The following AFG1L variants were observed in gnomAD, a reference collection of about 807,000 sequenced individuals.
The protein encoded by AFG1L is AFG1-like ATPase.
Under a neutral mutation model 62.2 loss-of-function variants are expected in AFG1L, and 53 were observed. That is an observed-to-expected ratio of 0.85 (90% CI 0.68 to 1.07). AFG1L has a LOEUF of 1.07. Ranked by LOEUF, AFG1L falls within the 50% of genes least tolerant of loss-of-function variation. The pLI is 0.00. For synonymous variants in AFG1L, 228 were observed against 210.3 expected, an observed-to-expected ratio of 1.08 and a Z score of -0.73; for missense variants, 555 against 590.5, an observed-to-expected ratio of 0.94 and a Z score of 0.62.
intron 10 of AFG1L, among the ~76,000 whole-genome samples, chr6:108,501,568 C>T (rs1774203262): frequency 6.6e-6 from 1 of 152,214 alleles, no homozygotes; most frequent in African/African-American, 2.4e-5. Flanking sequence ...TAGCTCCATG[C>T]AGTCCTTCAT....
intron 10 of AFG1L, among the ~76,000 whole-genome samples, chr6:108,479,825 A>G (rs949417349): frequency 6.6e-6 from 1 of 152,144 alleles, no homozygotes; most frequent in Non-Finnish European, 1.5e-5. Flanking sequence ...TGGATCATCT[A>G]TCCTAATTTT....
At chr6:108,446,487 CT>C (rs1562166984) in intron 7 of AFG1L, among the ~76,000 whole-genome samples, 2 of 140,060 alleles carry the variant, frequency 1.4e-5, no homozygotes, top group South Asian at 2.2e-4. Flanking sequence ...AACTCTCTCT[CT>C]CTCTTTTTTT....
At chr6:108,317,140 TAAG>T (rs1276723254) in intron 1 of AFG1L, among the ~76,000 whole-genome samples, 2 of 152,158 alleles carry the variant, frequency 1.3e-5, no homozygotes, top group Admixed American at 1.3e-4. Flanking sequence ...ATGGTGCTAT[TAAG>T]AAGAACATGA....
intron 8 of AFG1L, among the ~76,000 whole-genome samples, chr6:108,458,115 A>G (rs576553867): frequency 7.9e-5 from 12 of 152,084 alleles, no homozygotes; most frequent in Non-Finnish European, 1.5e-4. Context: ...TATGATGTGC[A>G]TTGGTGTGGT....
rs149741058 is a variant in AFG1L, at chr6:108,475,302, T to C, written c.891-1563T>C. On this transcript the variant is annotated intron_variant, in intron 8 of 12. Coordinates refer to ENST00000368977, the MANE Select transcript of AFG1L (RefSeq NM_145315.5). ...TTTTGGTTACTGTAGCCTTGCAGTA[T>C]AGTTTGAAGTTTGCTAGCGTGATGC... Among the ~76,000 whole-genome samples, 1,451 of 152,312 alleles carry C rather than the reference T, an allele frequency of 9.5e-3. 18 individuals are homozygous for C. The highest frequency in any genetic ancestry group is 0.033 in the African/African-American group (1,370 of 41,564).
intron 11 of AFG1L, among the ~76,000 whole-genome samples, chr6:108,511,416 G>A (rs1034375009): frequency 6.6e-6 from 1 of 152,118 alleles, no homozygotes; most frequent in Admixed American, 6.5e-5. Context: ...TGGGCCCTGG[G>A]GTCAGGCTGT....
chr6:108,295,139 A>C lies in AFG1L; in HGVS notation c.60A>C (p.Arg20Ser), dbSNP rs1391520922. ...TLRPLAQSPL[R>S]GRCVGCGAWA... ...GCCCCTTAGCACAGAGCCCGCTGAG[A>C]GGGAGATGTGTTGGGTGCGGGGCCT... Residue 20 changes from arginine (R) to serine (S), a missense_variant, in exon 1 of 13, where the codon AGA (arginine) becomes AGC (serine). Transcript: ENST00000368977. 1 of 1,610,912 alleles carries C rather than the reference A, an allele frequency of 6.2e-7. No homozygotes were observed. Among genetic ancestry groups the C allele is most frequent in the Non-Finnish European group, 8.5e-7 (1 of 1,179,962 alleles).
At chr6:108,361,987 A>G (rs1779552215) in intron 5 of AFG1L, among the ~76,000 whole-genome samples, 1 of 152,192 alleles carries the variant, frequency 6.6e-6, no homozygotes, top group African/African-American at 2.4e-5. Context: ...GGTTTCTAGG[A>G]CAGTGTCTGA....
At chr6:108,352,047 C>T (rs1779103621) in intron 3 of AFG1L, among the ~76,000 whole-genome samples, 1 of 152,170 alleles carries the variant, frequency 6.6e-6, no homozygotes, top group African/African-American at 2.4e-5. Flanking sequence ...ACTATTACCA[C>T]CATCTATCTT....
intron 1 of AFG1L, among the ~76,000 whole-genome samples, chr6:108,309,261 A>G (rs1777316803): frequency 6.6e-6 from 1 of 152,160 alleles, no homozygotes; most frequent in Admixed American, 6.6e-5. Flanking sequence ...TATATAGAGC[A>G]TCTTTTTTTT....
chr6:108,412,119 C>G (rs907677781), intron 7 of AFG1L, among the ~76,000 whole-genome samples: 4 of 152,246 alleles, frequency 2.6e-5, no homozygotes. Flanking sequence ...GTGATGCATG[C>G]ACAAGCTTCA....
intron 2 of AFG1L, among the ~76,000 whole-genome samples, chr6:108,339,932 T>A (rs1778616929): frequency 6.6e-6 from 1 of 152,168 alleles, no homozygotes; most frequent in Admixed American, 6.5e-5. Flanking sequence ...TTAGTTACTT[T>A]AAAATCTACA....
intron 10 of AFG1L, among the ~76,000 whole-genome samples, chr6:108,495,977 A>T (rs1773959982): frequency 6.6e-6 from 1 of 152,236 alleles, no homozygotes; most frequent in South Asian, 2.1e-4. Context: ...AGATAATCCT[A>T]CTTGAATTTT....
intron 10 of AFG1L, among the ~76,000 whole-genome samples, chr6:108,494,366 T>C (rs949586481): frequency 6.6e-6 from 1 of 151,592 alleles, no homozygotes; most frequent in African/African-American, 2.4e-5. Flanking sequence ...AGTAGAGGAG[T>C]GTACCCTCCT....
At chr6:108,508,447 G>A (rs994344495) in intron 10 of AFG1L, among the ~76,000 whole-genome samples, 1 of 152,178 alleles carries the variant, frequency 6.6e-6, no homozygotes, top group Non-Finnish European at 1.5e-5. Context: ...TGGGAAGGGC[G>A]GAGCTTGCCT....
At chr6:108,366,693 A>G (rs2114500032) in intron 6 of AFG1L, among the ~76,000 whole-genome samples, 1 of 152,204 alleles carries the variant, frequency 6.6e-6, no homozygotes, top group Non-Finnish European at 1.5e-5. Flanking sequence ...TCATAATTAA[A>G]TTTTAGAAAA....
chr6:108,476,072 C>A (rs1052303298), intron 8 of AFG1L, among the ~76,000 whole-genome samples: 36 of 151,970 alleles, frequency 2.4e-4, no homozygotes, highest in African/African-American at 8.0e-4. Context: ...CAGTTTATTT[C>A]TTCTGCCAGT....
intron 6 of AFG1L, among the ~76,000 whole-genome samples, chr6:108,398,083 G>A (rs1378721620): frequency 1.3e-5 from 2 of 152,122 alleles, no homozygotes; most frequent in African/African-American, 4.8e-5. Context: ...AGAGTATTGA[G>A]GGTTCCCTTT....
rs1348469060 is a variant in AFG1L, at chr6:108,410,258, G to T, written c.807+8204G>T. Among the ~76,000 whole-genome samples the T allele has an allele frequency of 2.6e-5, 4 of 151,922 alleles. No homozygotes were observed. The East Asian group carries it at 7.7e-4, about 29-fold the overall frequency. ...GGGGGCAGAGGTTGCAGTGAGCCAA[G>T]ATTGTGCCACTGCACTCCAGCCTGG... On this transcript the variant is annotated intron_variant, in intron 7 of 12. Transcript: ENST00000368977.
Sources: gnomAD v4.1 joint callset for allele counts (sites outside exome capture counted in the v4.1 genomes callset) on GRCh38, gnomAD v4.1.1 for gene constraint, MANE v1.5 for transcripts, NCBI Gene and HGNC (gene_info 2026-07-23, HGNC 2026-07-21) for gene names.